Variants in ZNF197 observed in about 807,000 individuals in gnomAD.
ZNF197 encodes the protein VHL-associated KRAB-A domain-containing protein.
In ZNF197, 14 loss-of-function variants were observed where a neutral mutation model predicts 27.4. That is an observed-to-expected ratio of 0.51 (90% CI 0.34 to 0.80). The LOEUF (loss-of-function observed/expected upper bound fraction) is 0.80, where lower values mean the gene tolerates loss of function less well. Ranked by LOEUF, ZNF197 falls within the 30% of genes least tolerant of loss-of-function variation. ZNF197 has a pLI of 0.02. For missense variants in ZNF197, 1,090 were observed against 1,222.6 expected (o/e 0.89, Z 1.62); for synonymous variants, 415 against 420.0 (o/e 0.99, Z 0.15).
At position 44,632,487 on chromosome 3, in the gene ZNF197, C is replaced by A; in HGVS notation, c.657C>A (p.Phe219Leu). Residue 219 changes from phenylalanine (F) to leucine (L), a missense_variant, in exon 5 of 6, where the codon TTC becomes TTA. Transcript: ENST00000344387. ...TGTTATTTCAGGAGTTGGTGATGTTCGAGGAGGTGTCAGTATGCTTCACTT... is the reference window on the plus strand; with the variant it reads ...TGTTATTTCAGGAGTTGGTGATGTTAGAGGAGGTGTCAGTATGCTTCACTT... ...LTAQPQELVM[F>L]EEVSVCFTSE... 1 of 1,598,636 alleles carries A rather than the reference C, an allele frequency of 6.3e-7. No homozygotes were observed. Among genetic ancestry groups the A allele is most frequent in the South Asian group, 1.1e-5 (1 of 88,198 alleles).
rs1575487420 is a variant in ZNF197 at position 44,640,048 on chromosome 3, G to C, written c.770-1852G>C. Among the ~76,000 whole-genome samples the C allele has an allele frequency of 6.6e-6, 1 of 152,146 alleles. No homozygotes were observed. The highest frequency in any genetic ancestry group is 1.5e-5 in the Non-Finnish European group (1 of 68,024). ...ATGGATTAGGGCAGATGAAAGGCGG[G>C]GGGTGTCAGTGGTAGGAAAGCCTGT... On this transcript the variant is annotated intron_variant, in intron 5 of 5. Coordinates refer to ENST00000344387, the MANE Select transcript of ZNF197 (RefSeq NM_006991.5). The surrounding 1 kb of genome is among the most constrained non-coding windows in gnomAD (Gnocchi z 4.0).
chr3:44,630,895 C>G (rs764592254), intron 2 of ZNF197, 167 bp from the exon 3 acceptor site: 36 of 927,522 alleles, frequency 3.9e-5, no homozygotes, highest in Non-Finnish European at 5.9e-5. Flanking sequence ...GAGGGCAGCT[C>G]CATTGTTCTC....
At position 44,640,674 on chromosome 3, in the gene ZNF197, G is replaced by T. The variant is rs555745023; in HGVS notation, c.770-1226G>T. On this transcript the variant is annotated intron_variant, in intron 5 of 5. Transcript: ENST00000344387. This position sits in a 1 kb window ranked among gnomAD's most constrained non-coding sequence, Gnocchi z 4.0. ...ATTACAGGCATGAGCCACCATGCCCGGCCTCTCCTTATGTTTGAAACCTCA... is the reference window on the plus strand; with the variant it reads ...ATTACAGGCATGAGCCACCATGCCCTGCCTCTCCTTATGTTTGAAACCTCA... Among the ~76,000 whole-genome samples the T allele has an allele frequency of 6.6e-6, 1 of 152,082 alleles. No homozygotes were observed. Among genetic ancestry groups the T allele is most frequent in the Non-Finnish European group, 1.5e-5 (1 of 68,018 alleles).
Position 44,642,306 on chromosome 3 carries a change from C to T in ZNF197, c.1176C>T (p.His392=), listed in dbSNP as rs1283093074. The T allele has an allele frequency of 1.2e-6, 2 of 1,614,156 alleles. No homozygotes were observed. The highest frequency in any genetic ancestry group is 2.2e-5 in the East Asian group (1 of 44,882). ...ISHLINHRRI[H]TGEKPHKCKE... ...ATCTTATAAACCATCGGAGAATCCA[C>T]ACTGGTGAGAAACCTCATAAATGTA... The change falls in exon 6 of 6, where the codon CAC becomes CAT. Residue 392 remains histidine (H), a synonymous_variant. Coordinates refer to ENST00000344387, the MANE Select transcript of ZNF197 (RefSeq NM_006991.5).
At chr3:44,625,923 C>T (rs1237733422) in intron 1 of ZNF197, among the ~76,000 whole-genome samples, 2 of 152,166 alleles carry the variant, frequency 1.3e-5, no homozygotes, top group African/African-American at 4.8e-5. Context: ...TCATAAGTTT[C>T]TTCGTAGATG....
Position 44,632,488 on chromosome 3 carries a change from G to A in ZNF197, c.658G>A (p.Glu220Lys), listed in dbSNP as rs144144528. Reference protein sequence around the residue: ...TAQPQELVMFEEVSVCFTSEE... With the variant: ...TAQPQELVMFKEVSVCFTSEE... ...GTTATTTCAGGAGTTGGTGATGTTC[G>A]AGGAGGTGTCAGTATGCTTCACTTC... The change falls in exon 5 of 6, where the codon GAG becomes AAG. Residue 220 changes from glutamate to lysine, a missense_variant. Transcript: ENST00000344387. 7.1e-5 allele frequency: 113 copies of A among 1,600,454 alleles called. No homozygotes were observed. The highest frequency in any genetic ancestry group is 9.1e-5 in the Non-Finnish European group (107 of 1,174,766).
intron 5 of ZNF197, among the ~76,000 whole-genome samples, chr3:44,635,855 G>A (rs1320121179): frequency 6.6e-6 from 1 of 152,158 alleles, no homozygotes; most frequent in East Asian, 1.9e-4. Flanking sequence ...AGTGGGAGGA[G>A]GAGATGGATG....
At chr3:44,635,004 G>A (rs1472593686) in intron 5 of ZNF197, among the ~76,000 whole-genome samples, 1 of 151,904 alleles carries the variant, frequency 6.6e-6, no homozygotes, top group African/African-American at 2.4e-5. Flanking sequence ...AATCCAAGTA[G>A]CTTTCAGTAG....
chr3:44,646,140 T>C lies in ZNF197; in HGVS notation c.*1920T>C, dbSNP rs1486670654. 1 of 984,428 alleles carries C rather than the reference T, an allele frequency of 1.0e-6. No homozygotes were observed. The highest frequency in any genetic ancestry group is 1.2e-6 in the Non-Finnish European group (1 of 829,136). 61.0% of individuals were successfully genotyped at this position (984,428 alleles called of 1,614,324 possible). ...AAGGCTTAAAGTCTTAAGACCTGGA[T>C]GTGGTTCAGGTTTTGCCATCTGCCT... On this transcript the variant is annotated 3_prime_UTR_variant, in exon 6 of 6. Transcript: ENST00000344387.
In ZNF197 at chr3:44,643,268, A is replaced by C. The variant is rs1368820145; in HGVS notation, c.2138A>C (p.Lys713Thr). The stretch of plus-strand genomic sequence containing the variant: ...CCATATGAATGTCGAGAGTGTGGGA[A>C]AACCTTTATTATGAGCAAAAGTTTT... Reference protein sequence around the residue: ...EKPYECRECGKTFIMSKSFMV... With the variant: ...EKPYECRECGTTFIMSKSFMV... The change falls in exon 6 of 6, where the codon AAA (lysine) becomes ACA (threonine). Residue 713 changes from lysine to threonine, a missense_variant. Transcript: ENST00000344387. The C allele has an allele frequency of 6.2e-7, 1 of 1,614,162 alleles. No individual in the cohort carries two copies. Among genetic ancestry groups the C allele is most frequent in the Admixed American group, 1.7e-5 (1 of 60,022 alleles).
intron 5 of ZNF197, among the ~76,000 whole-genome samples, chr3:44,637,984 T>A (rs888649762): frequency 1.3e-5 from 2 of 152,320 alleles, no homozygotes; most frequent in South Asian, 2.1e-4. Context: ...CTGGTCAATA[T>A]CTTTGAAGAA....
chr3:44,637,177 G>A (rs1351637445), intron 5 of ZNF197, among the ~76,000 whole-genome samples: 1 of 152,148 alleles, frequency 6.6e-6, no homozygotes, highest in Non-Finnish European at 1.5e-5. Flanking sequence ...TGCCCAGGCT[G>A]GAGTGTAGTG....
chr3:44,627,844 A>AG (rs1237033463), intron 1 of ZNF197, among the ~76,000 whole-genome samples: 2 of 151,942 alleles, frequency 1.3e-5, no homozygotes, highest in African/African-American at 4.8e-5. Context: ...AAAAAAAAAA[A>AG]AAAGAAATTT....
At position 44,647,695 on chromosome 3, in the gene ZNF197, C is replaced by T. The variant is rs898205032; in HGVS notation, c.*3475C>T. 11 of 152,048 alleles carry T rather than the reference C, an allele frequency of 7.2e-5. No individual in the cohort carries two copies. Among genetic ancestry groups the T allele is most frequent in the African/African-American group, 2.7e-4 (11 of 41,382 alleles). 9.4% of individuals were successfully genotyped at this position (152,048 alleles called of 1,614,324 possible). On this transcript the variant is annotated 3_prime_UTR_variant, in exon 6 of 6. Transcript: ENST00000344387. ...AATTAATGCTGAGTGAAAATAATCACAAAAGGCCATATTCTGTATGAAAAT... is the reference window on the plus strand; with the variant it reads ...AATTAATGCTGAGTGAAAATAATCATAAAAGGCCATATTCTGTATGAAAAT...
At chr3:44,641,530 G>T (rs1012389739) in intron 5 of ZNF197, among the ~76,000 whole-genome samples, 1 of 152,122 alleles carries the variant, frequency 6.6e-6, no homozygotes, top group East Asian at 1.9e-4. Context: ...AAATAATAAA[G>T]AAAGTTACTT....
rs762341519 is a variant in ZNF197 at position 44,631,052 on chromosome 3, T to C, written c.391-10T>C. Reference sequence around the variant, plus strand: ...AACAAGAAGAGCTAGCTTATTTTACTTGTTTCCAGGTTCCAGTCCTTGTCA... The same window carrying C: ...AACAAGAAGAGCTAGCTTATTTTACCTGTTTCCAGGTTCCAGTCCTTGTCA... On this transcript the variant is annotated splice_polypyrimidine_tract_variant and intron_variant, in intron 2 of 5. Transcript: ENST00000344387. 19 of 1,614,022 alleles carry C rather than the reference T, an allele frequency of 1.2e-5. No individual in the cohort carries two copies. The highest frequency in any genetic ancestry group is 1.1e-4 in the South Asian group (10 of 91,074).
chr3:44,629,085 C>G lies in ZNF197; in HGVS notation c.-70C>G. 1 of 1,528,476 alleles carries G rather than the reference C, an allele frequency of 6.5e-7. No homozygotes were observed. The highest frequency in any genetic ancestry group is 8.7e-7 in the Non-Finnish European group (1 of 1,144,906). 94.7% of individuals were successfully genotyped at this position (1,528,476 alleles called of 1,614,324 possible). A position where few individuals can be genotyped will look rare whatever the true frequency, so the allele number is the denominator to read the frequency against. ...TTGAGGTCTTGTAGATGATACTCTCCAAGCTGTAAGGAAGAAGTCAAGGAT... is the reference window on the plus strand; with the variant it reads ...TTGAGGTCTTGTAGATGATACTCTCGAAGCTGTAAGGAAGAAGTCAAGGAT... On this transcript the variant is annotated 5_prime_UTR_variant, in exon 2 of 6. Coordinates refer to ENST00000344387, the MANE Select transcript of ZNF197 (RefSeq NM_006991.5).
rs961296211 is a variant in ZNF197 at position 44,640,383 on chromosome 3, C to G, written c.770-1517C>G. ...CTCTTTGTTTTTTGTTTGTTTTGTT[C>G]TTGTTTTGTTTTGAGATGGAGTCTT... On this transcript the variant is annotated intron_variant, in intron 5 of 5. Transcript: ENST00000344387. The surrounding 1 kb of genome is among the most constrained non-coding windows in gnomAD (Gnocchi z 4.0). Among the ~76,000 whole-genome samples the G allele has an allele frequency of 2.6e-5, 4 of 151,834 alleles. No individual in the cohort carries two copies. The highest frequency in any genetic ancestry group is 5.9e-5 in the Non-Finnish European group (4 of 67,928).
rs1336514175 is a variant in ZNF197 at position 44,644,254 on chromosome 3, A to G, written c.*34A>G. The G allele has an allele frequency of 1.3e-5, 20 of 1,542,486 alleles. No individual in the cohort carries two copies. Among genetic ancestry groups the G allele is most frequent in the Non-Finnish European group, 1.7e-5 (20 of 1,150,898 alleles). ...GTAAAATGGAATAGAATCCCTGCCT[A>G]CTTAAGTAACTGTTGGACAAATGAT... On this transcript the variant is annotated 3_prime_UTR_variant, in exon 6 of 6. Transcript: ENST00000344387.
Sources: allele counts gnomAD v4.1 joint callset (sites outside exome capture counted in the v4.1 genomes callset), GRCh38; gene constraint gnomAD v4.1.1; non-coding constraint Gnocchi (gnomAD v3.1); transcripts MANE v1.5; gene names NCBI Gene and HGNC (gene_info 2026-07-23, HGNC 2026-07-21).